SEC16B: variants seen among roughly 807,000 people sequenced by gnomAD.
SEC16B encodes protein transport protein Sec16B.
In SEC16B, 115 loss-of-function variants were observed where a neutral mutation model predicts 141.8. The observed-to-expected ratio is 0.81, with a 90% CI of 0.70 to 0.95. The LOEUF is 0.95. Among genes scored for constraint, SEC16B ranks in the 40% least tolerant of loss-of-function variants. SEC16B has a pLI of 0.00. For synonymous variants in SEC16B, 493 were observed against 492.5 expected, an observed-to-expected ratio of 1.00 and a Z score of -0.01; for missense variants, 1,291 against 1,312.3, an observed-to-expected ratio of 0.98 and a Z score of 0.25.
intron 14 of SEC16B, chr1:177,946,085 T>G: frequency 3.6e-6 from 2 of 557,204 alleles, no homozygotes; most frequent in Non-Finnish European, 6.4e-6. Context: ...CCCACAAGCC[T>G]CCACATGTAA....
intron 1 of SEC16B, 121 bp from the exon 2 acceptor site, chr1:177,968,160 T>C: frequency 1.9e-6 from 1 of 530,068 alleles, no homozygotes; most frequent in East Asian, 2.8e-5. Context: ...ACAAACCATA[T>C]GGTCACGGAT....
intron 3 of SEC16B, among the ~76,000 whole-genome samples, 154 bp downstream of exon 3, chr1:177,965,739 C>T (rs755259954): frequency 3.9e-5 from 6 of 152,162 alleles, no homozygotes; most frequent in Non-Finnish European, 7.3e-5. Context: ...CTTCTCAGGA[C>T]ATCTAGGAGG....
At chr1:177,931,599 C>A (rs537351151) in intron 24 of SEC16B, among the ~76,000 whole-genome samples, 2 of 152,144 alleles carry the variant, frequency 1.3e-5, no homozygotes, top group Non-Finnish European at 2.9e-5. Context: ...TCAAAGAGAA[C>A]CATATCAGAA....
intron 5 of SEC16B, among the ~76,000 whole-genome samples, chr1:177,962,479 G>A (rs1398248903): frequency 2.6e-5 from 4 of 151,586 alleles, no homozygotes; most frequent in African/African-American, 4.8e-5. Context: ...GCTCTCACCT[G>A]TAATCCCAGC....
chr1:177,947,712 A>ATG, intron 13 of SEC16B, 113 bp downstream of exon 13: 2 of 343,632 alleles, frequency 5.8e-6, no homozygotes, highest in Non-Finnish European at 1.0e-5. Context: ...AGGTGAGGAG[A>ATG]GGGAGGGGAG....
intron 20 of SEC16B, among the ~76,000 whole-genome samples, chr1:177,935,822 CAA>C (rs1387790031): frequency 6.6e-6 from 1 of 152,110 alleles, no homozygotes; most frequent in Non-Finnish European, 1.5e-5. Flanking sequence ...GGGGTGTGTC[CAA>C]TCAGAGCTAG....
intron 1 of SEC16B, among the ~76,000 whole-genome samples, chr1:177,976,920 G>A (rs923456466): frequency 6.6e-6 from 1 of 152,140 alleles, no homozygotes; most frequent in East Asian, 1.9e-4. Flanking sequence ...GGGCTAAGGT[G>A]AAAACAACAA....
chr1:177,944,980 T>C (rs1170497862), intron 14 of SEC16B, among the ~76,000 whole-genome samples: 1 of 152,110 alleles, frequency 6.6e-6, no homozygotes, highest in Non-Finnish European at 1.5e-5. Flanking sequence ...GCAGGCTACC[T>C]CGAAGGACAC....
At chr1:177,951,537 A>G (rs1005184755) in intron 12 of SEC16B, among the ~76,000 whole-genome samples, 7 of 152,192 alleles carry the variant, frequency 4.6e-5, no homozygotes, top group Admixed American at 1.3e-4. Context: ...AGCCTGCAGA[A>G]CAGGCACAGG....
At chr1:177,966,392 C>A (rs1021072364) in intron 2 of SEC16B, among the ~76,000 whole-genome samples, 3 of 152,268 alleles carry the variant, frequency 2.0e-5, no homozygotes, top group African/African-American at 7.2e-5. Context: ...GTCTCCAATA[C>A]ACCACCGTAA....
intron 1 of SEC16B, among the ~76,000 whole-genome samples, chr1:177,976,477 CA>C (rs1222269646): frequency 1.3e-5 from 2 of 152,110 alleles, no homozygotes; most frequent in African/African-American, 4.8e-5. Context: ...GTAAATTCCC[CA>C]AAGGAGCAAG....
At chr1:177,966,045 G>T (rs1247422434) in intron 2 of SEC16B, 40 bp from the exon 3 acceptor site, 1 of 1,271,566 alleles carries the variant, frequency 7.9e-7, no homozygotes, top group Admixed American at 2.0e-5. Context: ...TGAGGACAAG[G>T]GTAGTAAAGA....
upstream of SEC16B, among the ~76,000 whole-genome samples, chr1:177,972,147 A>G (rs933395997): frequency 6.6e-6 from 1 of 152,174 alleles, no homozygotes; most frequent in Non-Finnish European, 1.5e-5. Context: ...ATCTCTAATT[A>G]TCTCTAGAGT....
chr1:177,937,995 G>A (rs1650989945), intron 18 of SEC16B, among the ~76,000 whole-genome samples: 1 of 152,102 alleles, frequency 6.6e-6, no homozygotes, highest in African/African-American at 2.4e-5. Context: ...CTAAAGCCCT[G>A]CCAGGCAATG....
At chr1:177,939,646 T>C in intron 18 of SEC16B, 56 bp downstream of exon 18, 2 of 1,371,938 alleles carry the variant, frequency 1.5e-6, no homozygotes, top group Non-Finnish European at 2.0e-6. Context: ...CTTTGTCTCG[T>C]AGAATCAGAT....
intron 11 of SEC16B, among the ~76,000 whole-genome samples, chr1:177,953,670 T>C (rs918552710): frequency 6.9e-6 from 1 of 145,870 alleles, no homozygotes; most frequent in African/African-American, 2.8e-5. Flanking sequence ...CCCTAGCTCA[T>C]TCTGGTTTGG....
chr1:177,969,456 G>A (rs1653807001), intron 1 of SEC16B, among the ~76,000 whole-genome samples: 1 of 152,170 alleles, frequency 6.6e-6, no homozygotes, highest in South Asian at 2.1e-4. Flanking sequence ...CCCAGGAAAG[G>A]CCAAATGTCC....
chr1:177,937,356 C>T lies in SEC16B; in HGVS notation c.2361G>A (p.Gly787=). The change falls in exon 19 of 26, where the codon GGG becomes GGA. Residue 787 remains glycine (G), a synonymous_variant. Transcript: ENST00000308284. The part of the protein sequence containing the change: ...PLQPGSYPAG[G]GAGQTGTPRP... ...TCGGTGTCCCTGTCTGCCCTGCACC[C>T]CCTCCTGCTGGGTAGGAGCCCGGCT... The T allele has an allele frequency of 6.2e-7, 1 of 1,613,528 alleles. No homozygotes were observed. The highest frequency in any genetic ancestry group is 8.5e-7 in the Non-Finnish European group (1 of 1,179,774).
intron 10 of SEC16B, 113 bp from the exon 11 acceptor site, chr1:177,954,489 C>A: frequency 1.3e-6 from 1 of 765,074 alleles, no homozygotes; most frequent in South Asian, 1.7e-5. Flanking sequence ...CCAGAAAACT[C>A]TTAGAGCCTC....
Sources: gnomAD v4.1 joint callset for allele counts (sites outside exome capture counted in the v4.1 genomes callset) on GRCh38, gnomAD v4.1.1 for gene constraint, MANE v1.5 for transcripts, NCBI Gene and HGNC (gene_info 2026-07-23, HGNC 2026-07-21) for gene names.